The following CCDC85A variants were observed in gnomAD, a reference collection of about 807,000 sequenced individuals.
CCDC85A encodes coiled-coil domain containing 85A.
A neutral mutation model predicts 50.2 loss-of-function variants in CCDC85A; 38 were observed. The observed-to-expected ratio is 0.76, with a 90% CI of 0.58 to 0.99. The LOEUF is 0.99. Ranked by LOEUF, CCDC85A falls within the 50% of genes least tolerant of loss-of-function variation. CCDC85A has a pLI of 0.00. For missense variants in CCDC85A, 820 were observed against 742.0 expected, an observed-to-expected ratio of 1.11 and a Z score of -1.22; for synonymous variants, 366 against 301.4, an observed-to-expected ratio of 1.21 and a Z score of -2.22.
In CCDC85A at chr2:56,185,386, C is replaced by T. The variant is rs1675974424; in HGVS notation, c.276+486C>T. Among the ~76,000 whole-genome samples, 4 of 152,162 alleles carry T rather than the reference C, an allele frequency of 2.6e-5. No individual in the cohort carries two copies. In the South Asian group the frequency reaches 8.3e-4, roughly 32 times the overall value. ...CCAGGGAGAGCGGCTGGCGGGGCGCCCGGGAGAAGCAGCGGGCGCCACCCT... is the reference window on the plus strand; with the variant it reads ...CCAGGGAGAGCGGCTGGCGGGGCGCTCGGGAGAAGCAGCGGGCGCCACCCT... On this transcript the variant is annotated intron_variant, in intron 1 of 5. Coordinates refer to ENST00000407595, the MANE Select transcript of CCDC85A (RefSeq NM_001080433.2).
rs1378928754 is a variant in CCDC85A at position 56,184,714 on chromosome 2, C to T, written c.90C>T (p.Pro30=). Residue 30 remains proline (P), a synonymous_variant, in exon 1 of 6, where the codon CCC becomes CCT. Transcript: ENST00000407595. The part of the protein sequence containing the change: ...PAPAGSSAAP[P]APVEDLSKVS... Reference sequence around the variant, plus strand: ...CGGCCGGCTCGTCCGCGGCCCCGCCCGCGCCGGTGGAGGACCTGTCCAAAG... The same window carrying T: ...CGGCCGGCTCGTCCGCGGCCCCGCCTGCGCCGGTGGAGGACCTGTCCAAAG... 1 of 1,529,962 alleles carries T rather than the reference C, an allele frequency of 6.5e-7. No individual in the cohort carries two copies. Among genetic ancestry groups the T allele is most frequent in the Non-Finnish European group, 8.8e-7 (1 of 1,141,698 alleles). 94.8% of individuals were successfully genotyped at this position (1,529,962 alleles called of 1,614,324 possible).
chr2:56,245,801 T>C (rs1447612857), intron 2 of CCDC85A, among the ~76,000 whole-genome samples: 2 of 152,192 alleles, frequency 1.3e-5, no homozygotes, highest in South Asian at 2.1e-4. Flanking sequence ...AGGCTTCATA[T>C]AGCATTTGGG....
chr2:56,271,469 G>A (rs1573143940), intron 2 of CCDC85A, among the ~76,000 whole-genome samples: 2 of 152,152 alleles, frequency 1.3e-5, no homozygotes, highest in East Asian at 3.9e-4. Context: ...CCTGTCTTGT[G>A]TTATGCAAGC....
chr2:56,202,951 A>G (rs1573017241), intron 2 of CCDC85A, among the ~76,000 whole-genome samples: 1 of 152,220 alleles, frequency 6.6e-6, no homozygotes, highest in Admixed American at 6.5e-5. Flanking sequence ...AAAGTGAGGT[A>G]AGAGTCAACT....
At chr2:56,310,504 G>A (rs780294144) in intron 2 of CCDC85A, among the ~76,000 whole-genome samples, 82 of 152,006 alleles carry the variant, frequency 5.4e-4, no homozygotes, top group Admixed American at 1.2e-3. Flanking sequence ...AACTTATAAC[G>A]TGGCCTAAGC....
At chr2:56,383,521 T>A in intron 5 of CCDC85A, 1 of 915,652 alleles carries the variant, frequency 1.1e-6, no homozygotes, top group Non-Finnish European at 1.3e-6. Context: ...TGTCCCTCTA[T>A]GTGGCCCAGC....
intron 2 of CCDC85A, among the ~76,000 whole-genome samples, chr2:56,234,563 A>G (rs544790233): frequency 1.5e-4 from 23 of 152,238 alleles, no homozygotes; most frequent in African/African-American, 4.6e-4. Flanking sequence ...TTATTCCCAT[A>G]TCGATTCATC....
intron 3 of CCDC85A, among the ~76,000 whole-genome samples, chr2:56,370,099 G>A (rs1676000360): frequency 1.3e-5 from 2 of 152,188 alleles, no homozygotes; most frequent in South Asian, 2.1e-4. Context: ...AAAACTAAGT[G>A]AAACAGAATT....
Position 56,193,536 on chromosome 2 carries a change from G to A in CCDC85A, c.1240+96G>A, listed in dbSNP as rs964938450. ...TTTCCAGCCATGTAAGAAAGTGCAG[G>A]CGCTAGCTAGGGAGTGGGTTTGGGG... On this transcript the variant is annotated intron_variant, in intron 2 of 5. Coordinates refer to ENST00000407595, the MANE Select transcript of CCDC85A (RefSeq NM_001080433.2). The A allele has an allele frequency of 2.2e-6, 3 of 1,361,536 alleles. No individual in the cohort carries two copies. In the African/African-American group the frequency reaches 4.4e-5, roughly 20 times the overall value. The allele number at this position is 1,361,536 out of a possible 1,614,324, so 84.3% of individuals were successfully genotyped here. A position where few individuals can be genotyped will look rare whatever the true frequency, so the allele number is the denominator to read the frequency against.
At chr2:56,230,876 A>G (rs1235457652) in intron 2 of CCDC85A, among the ~76,000 whole-genome samples, 1 of 152,156 alleles carries the variant, frequency 6.6e-6, no homozygotes, top group East Asian at 1.9e-4. Flanking sequence ...AGGAAATTAG[A>G]AGAATGAATT....
intron 3 of CCDC85A, among the ~76,000 whole-genome samples, chr2:56,348,403 A>C (rs1009302789): frequency 1.3e-5 from 2 of 152,190 alleles, no homozygotes; most frequent in South Asian, 4.1e-4. Context: ...ATGGTAACTC[A>C]GATCACCCCT....
intron 5 of CCDC85A, among the ~76,000 whole-genome samples, chr2:56,378,627 T>C (rs1052405376): frequency 1.3e-5 from 2 of 152,214 alleles, no homozygotes; most frequent in Non-Finnish European, 2.9e-5. Flanking sequence ...ATAATAATAA[T>C]GGCTAGACGT....
At chr2:56,224,330 T>A (rs1668454168) in intron 2 of CCDC85A, among the ~76,000 whole-genome samples, 1 of 152,250 alleles carries the variant, frequency 6.6e-6, no homozygotes, top group African/African-American at 2.4e-5. Flanking sequence ...ATATATTGTA[T>A]GCATATACCG....
intron 2 of CCDC85A, among the ~76,000 whole-genome samples, chr2:56,250,841 G>A (rs1474536251): frequency 6.6e-6 from 1 of 152,134 alleles, no homozygotes. Context: ...AAGTACATTT[G>A]AAAGACTTTG....
chr2:56,291,744 T>C (rs1304447255), intron 2 of CCDC85A, among the ~76,000 whole-genome samples: 1 of 151,288 alleles, frequency 6.6e-6, no homozygotes, highest in Non-Finnish European at 1.5e-5. Context: ...ATTACATGTT[T>C]GGTTTTTACT....
intron 2 of CCDC85A, among the ~76,000 whole-genome samples, chr2:56,290,789 T>C (rs967473787): frequency 2.0e-5 from 3 of 152,224 alleles, no homozygotes; most frequent in Non-Finnish European, 4.4e-5. Context: ...GTTTCCAAAT[T>C]CTATTTTGAG....
At chr2:56,188,621 A>G (rs893835701) in intron 1 of CCDC85A, among the ~76,000 whole-genome samples, 4 of 152,246 alleles carry the variant, frequency 2.6e-5, no homozygotes, top group African/African-American at 9.6e-5. Context: ...GAGCTTAGAA[A>G]GATTAATTTT....
chr2:56,368,820 A>G (rs1425702199), intron 3 of CCDC85A, among the ~76,000 whole-genome samples: 1 of 151,930 alleles, frequency 6.6e-6, no homozygotes, highest in Non-Finnish European at 1.5e-5. Context: ...ATATTTTTAT[A>G]TATACACATA....
intron 5 of CCDC85A, among the ~76,000 whole-genome samples, chr2:56,383,331 A>G (rs576217978): frequency 6.6e-6 from 1 of 152,108 alleles, no homozygotes; most frequent in South Asian, 2.1e-4. Context: ...TTGCACAATC[A>G]ATCAATCTGA....
Sources: gnomAD v4.1 joint callset for allele counts (sites outside exome capture counted in the v4.1 genomes callset) on GRCh38, gnomAD v4.1.1 for gene constraint, MANE v1.5 for transcripts, NCBI Gene and HGNC (gene_info 2026-07-23, HGNC 2026-07-21) for gene names.